Variants in NPM2 observed in about 807,000 individuals in gnomAD.
The protein encoded by NPM2 is nucleophosmin/nucleoplasmin 2, also known as nucleoplasmin-2.
In NPM2, 25 loss-of-function variants were observed where a neutral mutation model predicts 32.0. That is an observed-to-expected ratio of 0.78 (90% confidence interval 0.57 to 1.09). The LOEUF (loss-of-function observed/expected upper bound fraction) is 1.09, where lower values mean the gene tolerates loss of function less well. Ranked by LOEUF, NPM2 falls within the 50% of genes least tolerant of loss-of-function variation. The probability of loss-of-function intolerance (pLI) is 0.00; values close to 1 mark genes in which losing one functional copy is unlikely to be tolerated. For synonymous variants in NPM2, 111 were observed against 94.2 expected (o/e 1.18, Z -1.04); for missense variants, 282 against 259.9 (o/e 1.08, Z -0.58).
chr8:22,036,430 G>A, intron 8 of NPM2, 63 bp from the exon 9 acceptor site: 1 of 1,549,182 alleles, frequency 6.5e-7, no homozygotes, highest in Non-Finnish European at 8.7e-7. Flanking sequence ...CACGCCGCTG[G>A]TCTGGAGCTG....
At chr8:22,035,662 G>A (rs752676416) in intron 8 of NPM2, among the ~76,000 whole-genome samples, 5 of 152,068 alleles carry the variant, frequency 3.3e-5, no homozygotes, top group African/African-American at 9.7e-5. Flanking sequence ...GGCCGGGTAC[G>A]GTGGCTCACG....
rs746349251 is a variant in NPM2, at chr8:22,025,759, C to T, written c.257C>T (p.Ser86Leu). 9.3e-6 allele frequency: 15 copies of T among 1,614,102 alleles called. No homozygotes were observed. The highest frequency in any genetic ancestry group is 1.2e-5 in the Non-Finnish European group (14 of 1,180,022). ...GTCACCATTGCCTCACTCCAGGCCT[C>T]AGTCCTCCCCATGGTGCGCATTTCC... Reference protein sequence around the residue: ...QPVTIASLQASVLPMVSMVGV... With the variant: ...QPVTIASLQALVLPMVSMVGV... The change falls in exon 5 of 10, where the codon TCA becomes TTA. Residue 86 changes from serine (S) to leucine (L), a missense_variant. Coordinates refer to ENST00000518119, the MANE Select transcript of NPM2 (RefSeq NM_001286680.2).
chr8:22,031,387 A>G (rs1800434016), intron 5 of NPM2, among the ~76,000 whole-genome samples: 1 of 152,180 alleles, frequency 6.6e-6, no homozygotes, highest in African/African-American at 2.4e-5. Context: ...GGTCTCAGCT[A>G]CAACTCTCCT....
At chr8:22,025,975 A>G (rs1021864446) in intron 5 of NPM2, among the ~76,000 whole-genome samples, 3 of 152,156 alleles carry the variant, frequency 2.0e-5, no homozygotes, top group African/African-American at 7.2e-5. Flanking sequence ...GCTGTCTGCA[A>G]AAATTACACT....
rs1453065505 is a variant in NPM2, at chr8:22,036,697, G to C, written c.*15G>C. 10 of 1,544,458 alleles carry C rather than the reference G, an allele frequency of 6.5e-6. No homozygotes were observed. The highest frequency in any genetic ancestry group is 2.4e-5 in the East Asian group (1 of 40,910). The stretch of plus-strand genomic sequence containing the variant: ...TCAAGAAATGAGGAGCCACGCCTTG[G>C]GGGGCACGGTGCAAAGTGGGCCTTC... On this transcript the variant is annotated 3_prime_UTR_variant, in exon 10 of 10. Transcript: ENST00000518119.
At chr8:22,032,800 C>A (rs1293647301) in intron 5 of NPM2, among the ~76,000 whole-genome samples, 1 of 152,078 alleles carries the variant, frequency 6.6e-6, no homozygotes, top group South Asian at 2.1e-4. Context: ...AACCTAATGA[C>A]CTCCCAAGGC....
chr8:22,036,554 T>A (rs984955238), intron 9 of NPM2, 28 bp downstream of exon 9: 4 of 1,585,544 alleles, frequency 2.5e-6, no homozygotes, highest in Non-Finnish European at 3.4e-6. Flanking sequence ...GCTTTGGCCC[T>A]TGGGACAGGC....
chr8:22,034,468 C>G (rs564976235), intron 7 of NPM2, 42 bp from the exon 8 acceptor site: 1 of 1,578,918 alleles, frequency 6.3e-7, no homozygotes, highest in East Asian at 2.2e-5. Context: ...TGGCTCTGGA[C>G]TTTGTCTGAA....
intron 8 of NPM2, 170 bp from the exon 9 acceptor site, chr8:22,036,323 T>G (rs1048361606): frequency 9.7e-5 from 58 of 595,552 alleles, no homozygotes; most frequent in Non-Finnish European, 1.3e-4. Context: ...CATATGCGTA[T>G]GCATGCACAC....
chr8:22,027,693 G>C (rs371496333), intron 5 of NPM2, among the ~76,000 whole-genome samples: 3 of 150,290 alleles, frequency 2.0e-5, no homozygotes, highest in African/African-American at 7.4e-5. Flanking sequence ...TGCAACCTCC[G>C]CATCCCATGT....
At chr8:22,029,881 T>C (rs1200571306) in intron 5 of NPM2, among the ~76,000 whole-genome samples, 1 of 152,236 alleles carries the variant, frequency 6.6e-6, no homozygotes, top group African/African-American at 2.4e-5. Context: ...TATTTTAAGA[T>C]AATGTCTTTT....
chr8:22,031,342 G>A (rs7818819), intron 5 of NPM2, among the ~76,000 whole-genome samples: 91,425 of 152,036 alleles, frequency 0.6, 29,019 homozygotes, highest in East Asian at 0.83. Flanking sequence ...TCTCACTAAG[G>A]GTATAGCCCT....
At chr8:22,033,005 C>A (rs1030195250) in intron 5 of NPM2, 125 bp from the exon 6 acceptor site, 1 of 706,266 alleles carries the variant, frequency 1.4e-6, no homozygotes, top group Non-Finnish European at 2.6e-6. Flanking sequence ...GAATCCACCT[C>A]AGCAGGGGCT....
Position 22,025,241 on chromosome 8 carries a change from C to G in NPM2, c.-8C>G. The G allele has an allele frequency of 6.2e-7, 1 of 1,611,212 alleles. No individual in the cohort carries two copies. On this transcript the variant is annotated 5_prime_UTR_variant, in exon 3 of 10. Coordinates refer to ENST00000518119, the MANE Select transcript of NPM2 (RefSeq NM_001286680.2). ...CTGCCCGGCCAGCCCGCTTCTCTGCCCGGAGCCATGAATCTCAGTAGCGCC... is the reference window on the plus strand; with the variant it reads ...CTGCCCGGCCAGCCCGCTTCTCTGCGCGGAGCCATGAATCTCAGTAGCGCC...
intron 5 of NPM2, among the ~76,000 whole-genome samples, chr8:22,028,969 AT>A (rs1426562338): frequency 3.2e-4 from 49 of 152,038 alleles, no homozygotes; most frequent in African/African-American, 1.1e-3. Flanking sequence ...ATTTTATTAG[AT>A]TAATTAAAGT....
rs1800556149 is a variant in NPM2, at chr8:22,034,543, AG to A, written c.566+1del. The A allele has an allele frequency of 6.2e-7, 1 of 1,609,708 alleles. No individual in the cohort carries two copies. The highest frequency in any genetic ancestry group is 1.3e-5 in the African/African-American group (1 of 74,810). ...KKLEKEEEEIRASVRDKSPVK... is the reference protein window; with the variant it reads ...KKLEKEEEEIXASVRDKSPVK... ...GCTGGAAAAAGAAGAAGAGGAAATA[AG>A]GTAACTCTTTCTACCTATTAAATTA... is the stretch of plus-strand genomic sequence containing the variant. On this transcript the variant is annotated frameshift_variant and splice_region_variant, in exon 8 of 10. Transcript: ENST00000518119. LOFTEE classifies it low-confidence loss of function (END_TRUNC).
Position 22,033,121 on chromosome 8 carries a change from C to A in NPM2, c.271-9C>A. On this transcript the variant is annotated splice_polypyrimidine_tract_variant and intron_variant, in intron 5 of 9. Coordinates refer to ENST00000518119, the MANE Select transcript of NPM2 (RefSeq NM_001286680.2). Reference sequence around the variant, plus strand: ...GTGGCCCTGTCTTCTCTGCTTCCTCCCCCTGCAGGTCTCCATGGTAGGAGT... The same window carrying A: ...GTGGCCCTGTCTTCTCTGCTTCCTCACCCTGCAGGTCTCCATGGTAGGAGT... 6.2e-7 allele frequency: 1 copy of A among 1,611,642 alleles called. No individual in the cohort carries two copies. The highest frequency in any genetic ancestry group is 2.2e-5 in the East Asian group (1 of 44,852).
intron 5 of NPM2, 31 bp from the exon 6 acceptor site, chr8:22,033,099 G>T: frequency 6.4e-7 from 1 of 1,553,352 alleles, no homozygotes; most frequent in Non-Finnish European, 8.9e-7. Context: ...GGCCTAAGTG[G>T]CCCTGTCTTC....
At chr8:22,036,560 C>T in intron 9 of NPM2, 34 bp downstream of exon 9, 1 of 1,579,644 alleles carries the variant, frequency 6.3e-7, no homozygotes, top group East Asian at 2.4e-5. Context: ...GCCCTTGGGA[C>T]AGGCGAGTAT....
Sources: allele counts gnomAD v4.1 joint callset (sites outside exome capture counted in the v4.1 genomes callset), GRCh38; gene constraint gnomAD v4.1.1; transcripts MANE v1.5; gene names NCBI Gene and HGNC (gene_info 2026-07-23, HGNC 2026-07-21).